Variants in UBE2E2 observed in about 807,000 individuals in gnomAD.
UBE2E2 encodes the protein ubiquitin-conjugating enzyme E2 E2.
In UBE2E2, 6 loss-of-function variants were observed where a neutral mutation model predicts 24.7. The ratio of observed to expected loss-of-function variants is 0.24; its 90% CI spans 0.13 to 0.48. The LOEUF (loss-of-function observed/expected upper bound fraction) is 0.48. Ranked by LOEUF, UBE2E2 falls within the 20% of genes least tolerant of loss-of-function variation. UBE2E2 has a pLI of 0.99. For synonymous variants in UBE2E2, 104 were observed against 83.6 expected (o/e 1.24, Z -1.33); for missense variants, 169 against 245.0 (o/e 0.69, Z 2.07).
At chr3:23,454,935 T>G (rs1698643497) in intron 3 of UBE2E2, among the ~76,000 whole-genome samples, 1 of 152,206 alleles carries the variant, frequency 6.6e-6, no homozygotes, top group African/African-American at 2.4e-5. Context: ...TTTGTTTCTT[T>G]ATGGGTGTAT....
At chr3:23,230,119 G>A (rs1030635242) in intron 3 of UBE2E2, among the ~76,000 whole-genome samples, 1 of 151,970 alleles carries the variant, frequency 6.6e-6, no homozygotes, top group African/African-American at 2.4e-5. Flanking sequence ...ATATTCTAAG[G>A]ACTCTTAAAT....
chr3:23,354,919 C>G (rs1285573264), intron 3 of UBE2E2, among the ~76,000 whole-genome samples: 1 of 152,072 alleles, frequency 6.6e-6, no homozygotes, highest in Non-Finnish European at 1.5e-5. Context: ...GCTATAAAGA[C>G]ACATGCACAC....
chr3:23,324,338 T>C (rs1304571218), intron 3 of UBE2E2, among the ~76,000 whole-genome samples: 1 of 152,094 alleles, frequency 6.6e-6, no homozygotes, highest in East Asian at 1.9e-4. Flanking sequence ...AAAATAAAAA[T>C]CCTAGCTAAA....
At chr3:23,279,922 C>T (rs187131039) in intron 3 of UBE2E2, among the ~76,000 whole-genome samples, 2 of 152,316 alleles carry the variant, frequency 1.3e-5, no homozygotes, top group Non-Finnish European at 2.9e-5. Flanking sequence ...TCATCTTAGC[C>T]ACAGAGCCCA....
intron 3 of UBE2E2, among the ~76,000 whole-genome samples, chr3:23,329,109 G>A (rs1694992442): frequency 6.6e-6 from 1 of 152,090 alleles, no homozygotes; most frequent in Admixed American, 6.5e-5. Flanking sequence ...CAAAATTTTT[G>A]TTGAACATTT....
At chr3:23,559,455 C>T (rs939356963) in intron 5 of UBE2E2, among the ~76,000 whole-genome samples, 2 of 152,064 alleles carry the variant, frequency 1.3e-5, no homozygotes, top group East Asian at 1.9e-4. Flanking sequence ...ATTTGAACTT[C>T]GTACAAGTGA....
chr3:23,221,748 T>G (rs1360034047), intron 3 of UBE2E2, among the ~76,000 whole-genome samples: 1 of 152,132 alleles, frequency 6.6e-6, no homozygotes, highest in Non-Finnish European at 1.5e-5. Flanking sequence ...GCGATTCTCC[T>G]GGGTCAGCTT....
intron 3 of UBE2E2, among the ~76,000 whole-genome samples, chr3:23,256,620 C>G (rs1697729178): frequency 6.7e-6 from 1 of 149,642 alleles, no homozygotes; most frequent in Admixed American, 6.8e-5. Flanking sequence ...TAATAAAATC[C>G]CTTTGAAATT....
At chr3:23,291,269 C>T (rs763028504) in intron 3 of UBE2E2, among the ~76,000 whole-genome samples, 2 of 152,088 alleles carry the variant, frequency 1.3e-5, no homozygotes, top group African/African-American at 2.4e-5. Context: ...TATACAAACT[C>T]ACAAATTACT....
chr3:23,480,631 A>G (rs964462757), intron 3 of UBE2E2, among the ~76,000 whole-genome samples: 19 of 100,734 alleles, frequency 1.9e-4, no homozygotes, highest in Admixed American at 5.7e-4. Flanking sequence ...TTGTCTCAGG[A>G]AAAAAAAAAA....
chr3:23,303,850 G>T (rs1312783105), intron 3 of UBE2E2, among the ~76,000 whole-genome samples: 3 of 152,156 alleles, frequency 2.0e-5, no homozygotes, highest in Non-Finnish European at 4.4e-5. Context: ...GGCCTTTTAA[G>T]TTCTCAGGGC....
At chr3:23,533,784 A>G (rs1292243477) in intron 5 of UBE2E2, among the ~76,000 whole-genome samples, 1 of 151,852 alleles carries the variant, frequency 6.6e-6, no homozygotes, top group African/African-American at 2.4e-5. Context: ...CGCCAAGCCC[A>G]GCTTATTTTT....
intron 3 of UBE2E2, among the ~76,000 whole-genome samples, chr3:23,401,848 CT>C (rs35903137): frequency 0.2 from 13,564 of 68,352 alleles, 823 homozygotes; most frequent in African/African-American, 0.32. Flanking sequence ...TGCCTGGCTA[CT>C]TTTTTTTTTT....
At chr3:23,564,474 C>T (rs1286238188) in intron 5 of UBE2E2, among the ~76,000 whole-genome samples, 1 of 152,070 alleles carries the variant, frequency 6.6e-6, no homozygotes, top group Non-Finnish European at 1.5e-5. Context: ...CACCCAAATC[C>T]AATCTCCAAA....
intron 3 of UBE2E2, among the ~76,000 whole-genome samples, chr3:23,318,024 T>C (rs1255655499): frequency 6.6e-6 from 1 of 152,128 alleles, no homozygotes; most frequent in Non-Finnish European, 1.5e-5. Flanking sequence ...GGCCATCTTG[T>C]TCTGACTCCC....
chr3:23,305,654 T>C (rs1699219094), intron 3 of UBE2E2, among the ~76,000 whole-genome samples: 1 of 152,202 alleles, frequency 6.6e-6, no homozygotes, highest in South Asian at 2.1e-4. Flanking sequence ...TTGAAAATCA[T>C]GGTTATAAGC....
Position 23,512,867 on chromosome 3 carries a change from C to T in UBE2E2, c.360+13127C>T, listed in dbSNP as rs112797509. On this transcript the variant is annotated intron_variant, in intron 4 of 5. Transcript: ENST00000396703. Reference sequence around the variant, plus strand: ...GGCCAATGCACGAGAATTGCTTGAACCCAGGAGGCAGAGGTTGCAGTGAGC... The same window carrying T: ...GGCCAATGCACGAGAATTGCTTGAATCCAGGAGGCAGAGGTTGCAGTGAGC... Among the ~76,000 whole-genome samples, 3 of 152,258 alleles carry T rather than the reference C, an allele frequency of 2.0e-5. 1 individual carries two copies. Among genetic ancestry groups the T allele is most frequent in the African/African-American group, 7.2e-5 (3 of 41,548 alleles).
intron 1 of UBE2E2, among the ~76,000 whole-genome samples, chr3:23,204,981 G>T (rs1229797076): frequency 2.6e-5 from 4 of 152,180 alleles, no homozygotes; most frequent in Non-Finnish European, 5.9e-5. Flanking sequence ...TTGCCTTTAT[G>T]TAGTCAGTAA....
At chr3:23,524,893 C>CACACACAT (rs1553618098) in intron 4 of UBE2E2, among the ~76,000 whole-genome samples, 110 of 151,826 alleles carry the variant, frequency 7.2e-4, no homozygotes, top group Middle Eastern at 3.4e-3. Context: ...CACACACACA[C>CACACACAT]GTGTGCACTA....
Sources: gnomAD v4.1 joint callset for allele counts (sites outside exome capture counted in the v4.1 genomes callset) on GRCh38, gnomAD v4.1.1 for gene constraint, MANE v1.5 for transcripts, NCBI Gene and HGNC (gene_info 2026-07-23, HGNC 2026-07-21) for gene names.